SH3KBP1: variants seen among roughly 807,000 people sequenced by gnomAD.
SH3KBP1 encodes SH3 domain-containing kinase-binding protein 1.
SH3KBP1 carries 8 observed loss-of-function variants against 50.1 expected under a neutral mutation model. That is an observed-to-expected ratio of 0.16 (90% CI 0.09 to 0.29). The LOEUF is 0.29. SH3KBP1 is among the 10% of genes least tolerant of loss of function. SH3KBP1 has a pLI of 1.00. For synonymous variants in SH3KBP1, 227 were observed against 218.6 expected (o/e 1.04, Z -0.34); for missense variants, 377 against 535.2 (o/e 0.70, Z 2.92).
chrX:19,697,984 C>T (rs760058731), intron 4 of SH3KBP1, among the ~76,000 whole-genome samples: 27 of 112,254 alleles, frequency 2.4e-4, no homozygotes, highest in Non-Finnish European at 3.2e-4. Context: ...GATACCAAAT[C>T]GTGGCATTTC....
intron 13 of SH3KBP1, among the ~76,000 whole-genome samples, chrX:19,561,815 C>CTTT (rs769428738): frequency 4.1e-4 from 39 of 96,091 alleles, no homozygotes; most frequent in Middle Eastern, 5.1e-3. Context: ...AATTGAAAGC[C>CTTT]TTTTTTTTTT....
chrX:19,640,052 A>G (rs1187698536), intron 7 of SH3KBP1, among the ~76,000 whole-genome samples: 1 of 110,207 alleles, frequency 9.1e-6, no homozygotes, highest in Non-Finnish European at 1.9e-5. Flanking sequence ...ATCAGGAAAC[A>G]GTGTTTCTCT....
chrX:19,842,523 C>A (rs751183970), intron 1 of SH3KBP1, among the ~76,000 whole-genome samples: 8 of 110,878 alleles, frequency 7.2e-5, no homozygotes, highest in Non-Finnish European at 1.5e-4. Context: ...AAGAATCCAT[C>A]TCAAAAAAAT....
chrX:19,688,501 A>G (rs971252856), intron 5 of SH3KBP1, among the ~76,000 whole-genome samples: 1 of 111,798 alleles, frequency 8.9e-6, no homozygotes, highest in South Asian at 3.7e-4. Flanking sequence ...GAGATTGTCA[A>G]TAGCATAAGG....
At chrX:19,597,081 TCA>T (rs2066927081) in intron 9 of SH3KBP1, among the ~76,000 whole-genome samples, 2 of 111,213 alleles carry the variant, frequency 1.8e-5, no homozygotes, top group African/African-American at 6.5e-5. Context: ...ATCAGAGGAA[TCA>T]CTATCTACGG....
chrX:19,582,655 C>G (rs2147929672), intron 12 of SH3KBP1, among the ~76,000 whole-genome samples: 1 of 111,435 alleles, frequency 9.0e-6, no homozygotes, highest in South Asian at 3.7e-4. Context: ...CCTTGCTGGC[C>G]TCACTTCCTC....
At position 19,784,936 on chromosome X, in the gene SH3KBP1, C is replaced by A. The variant is rs148627786; in HGVS notation, c.163-38495G>T. On this transcript the variant is annotated intron_variant, in intron 2 of 17. Coordinates refer to ENST00000397821, the MANE Select transcript of SH3KBP1 (RefSeq NM_031892.3). ...GGATTTTCAGGTTTAATGATGGACC[C>A]AAACAATGTTAGAACCAAAAGGGGT... Among the ~76,000 whole-genome samples the A allele has an allele frequency of 3.8e-3, 427 of 111,215 alleles. 1 individual carries two copies. The highest frequency in any genetic ancestry group is 5.2e-3 in the Non-Finnish European group (278 of 53,009).
At chrX:19,594,292 T>A (rs1408545027) in intron 10 of SH3KBP1, among the ~76,000 whole-genome samples, 1 of 112,235 alleles carries the variant, frequency 8.9e-6, no homozygotes, top group African/African-American at 3.2e-5. Flanking sequence ...AATATCTTTT[T>A]ATATATGAGA....
chrX:19,714,400 A>C (rs992384395), intron 3 of SH3KBP1, among the ~76,000 whole-genome samples: 1 of 112,010 alleles, frequency 8.9e-6, no homozygotes, highest in Non-Finnish European at 1.9e-5. Context: ...TGGATACCCC[A>C]TTCTCCATGA....
chrX:19,569,105 A>G lies in SH3KBP1; in HGVS notation c.1382T>C (p.Ile461Thr), dbSNP rs771325046. 8.3e-7 allele frequency: 1 copy of G among 1,207,328 alleles called. No homozygotes were observed. The highest frequency in any genetic ancestry group is 1.1e-6 in the Non-Finnish European group (1 of 891,110). ...GCGAGAACACTGTCCTTACTCACCA[A>G]TGTCATTGCTGCGGTCCGAGAGATC... ...DKDLSDRSND[I>T]DLEGFDSVVS... The change falls in exon 13 of 18, where the codon ATT becomes ACT. Residue 461 changes from isoleucine to threonine, a missense_variant and splice_region_variant. Transcript: ENST00000397821.
intron 6 of SH3KBP1, among the ~76,000 whole-genome samples, chrX:19,668,911 T>C: frequency 1.1e-5 from 1 of 87,666 alleles, no homozygotes; most frequent in Non-Finnish European, 2.3e-5. Context: ...ACTATGGTTG[T>C]TCCTGAATGA....
chrX:19,590,261 A>T (rs1438789069), intron 11 of SH3KBP1, among the ~76,000 whole-genome samples: 1 of 111,726 alleles, frequency 9.0e-6, no homozygotes, highest in Non-Finnish European at 1.9e-5. Context: ...AAAGCAGGGG[A>T]CATTTCTCCT....
At chrX:19,847,534 C>T (rs1423598552) in intron 1 of SH3KBP1, among the ~76,000 whole-genome samples, 2 of 112,029 alleles carry the variant, frequency 1.8e-5, no homozygotes, top group Non-Finnish European at 1.9e-5. Context: ...CTCTTCAAAG[C>T]AGTCTAGAAT....
At chrX:19,634,413 T>C (rs73459624) in intron 7 of SH3KBP1, among the ~76,000 whole-genome samples, 2,636 of 111,586 alleles carry the variant, frequency 0.024, 73 homozygotes, top group African/African-American at 0.081. Context: ...TTAGAACACT[T>C]CGACTGTGCA....
chrX:19,721,645 G>A (rs911353939), intron 3 of SH3KBP1, among the ~76,000 whole-genome samples: 1 of 111,067 alleles, frequency 9.0e-6, no homozygotes, highest in Admixed American at 9.6e-5. Context: ...CACCAGACTG[G>A]CAAACAGGTT....
chrX:19,812,432 G>A (rs982412480), intron 2 of SH3KBP1, among the ~76,000 whole-genome samples: 1 of 111,235 alleles, frequency 9.0e-6, no homozygotes, highest in South Asian at 3.8e-4. Flanking sequence ...TAGCCTGCGA[G>A]TGGGGCAATA....
chrX:19,572,323 T>C (rs1454638484), intron 12 of SH3KBP1, among the ~76,000 whole-genome samples: 5 of 105,754 alleles, frequency 4.7e-5, no homozygotes. Context: ...TGTTATATAG[T>C]ACATATATAT....
At chrX:19,690,263 G>GC (rs2063257283) in intron 5 of SH3KBP1, among the ~76,000 whole-genome samples, 1 of 110,268 alleles carries the variant, frequency 9.1e-6, no homozygotes, top group Non-Finnish European at 1.9e-5. Context: ...TCACCATGTT[G>GC]CCTAGGCCGG....
chrX:19,802,869 C>G (rs1045132270), intron 2 of SH3KBP1, among the ~76,000 whole-genome samples: 1 of 111,652 alleles, frequency 9.0e-6, no homozygotes, highest in East Asian at 2.8e-4. Context: ...AGCAGACACT[C>G]AACAGATGCC....
Sources: gnomAD v4.1 joint callset for allele counts (sites outside exome capture counted in the v4.1 genomes callset) on GRCh38, gnomAD v4.1.1 for gene constraint, MANE v1.5 for transcripts, NCBI Gene and HGNC (gene_info 2026-07-23, HGNC 2026-07-21) for gene names.